Variants in TRAPPC9 observed in about 807,000 individuals in gnomAD.
TRAPPC9 encodes the protein IKK2 binding protein.
In TRAPPC9, 83 loss-of-function variants were observed where a neutral mutation model predicts 124.0. That is an observed-to-expected ratio of 0.67 (90% CI 0.56 to 0.80). The LOEUF is 0.80. Ranked by LOEUF, TRAPPC9 falls within the 30% of genes least tolerant of loss-of-function variation. The pLI is 0.00. For synonymous variants in TRAPPC9, 638 were observed against 617.5 expected (o/e 1.03, Z -0.49); for missense variants, 1,302 against 1,508.3 (o/e 0.86, Z 2.27).
At chr8:140,018,936 T>G (rs1160649470) in intron 18 of TRAPPC9, among the ~76,000 whole-genome samples, 1 of 152,202 alleles carries the variant, frequency 6.6e-6, no homozygotes, top group African/African-American at 2.4e-5. Flanking sequence ...ACATTAACTG[T>G]GGGGTTTCTT....
chr8:139,779,536 C>A (rs561771604), intron 21 of TRAPPC9, among the ~76,000 whole-genome samples: 3 of 152,124 alleles, frequency 2.0e-5, no homozygotes, highest in African/African-American at 7.2e-5. Flanking sequence ...ATAAATAAAA[C>A]GTATGACGAC....
intron 19 of TRAPPC9, among the ~76,000 whole-genome samples, chr8:139,927,196 A>G (rs147726013): frequency 1.3e-5 from 2 of 152,204 alleles, no homozygotes; most frequent in Non-Finnish European, 2.9e-5. Context: ...AAGAACGAGA[A>G]CTCTCACACA....
rs185975122 is a variant in TRAPPC9, at chr8:140,022,154, C to T, written c.2699+1783G>A. Among the ~76,000 whole-genome samples, 142 of 152,240 alleles carry T rather than the reference C, an allele frequency of 9.3e-4. 1 individual carries two copies. Among genetic ancestry groups the T allele is most frequent in the Middle Eastern group, 3.4e-3 (1 of 294 alleles). ...CACATGTGTAATTAAAGGATGACAA[C>T]GGGAAACAAGGCTGTCAGCAGAGAG... On this transcript the variant is annotated intron_variant, in intron 18 of 22. Transcript: ENST00000438773.
At chr8:140,375,371 A>G (rs1209411060) in intron 7 of TRAPPC9, among the ~76,000 whole-genome samples, 1 of 152,214 alleles carries the variant, frequency 6.6e-6, no homozygotes, top group Admixed American at 6.5e-5. Context: ...TTTATTCACA[A>G]GGCAGACTCT....
chr8:139,800,918 TACCTTCCCTCCCTCCGGC>T (rs1563823726), intron 21 of TRAPPC9, among the ~76,000 whole-genome samples: 1 of 143,622 alleles, frequency 7.0e-6, no homozygotes, highest in Admixed American at 6.9e-5. Context: ...CTCCCTCCGG[TACCTTCCCTCCCTCCGGC>T]ACCTTCCCTC....
chr8:139,883,475 G>A (rs1341309873), intron 21 of TRAPPC9, among the ~76,000 whole-genome samples: 1 of 152,244 alleles, frequency 6.6e-6, no homozygotes, highest in African/African-American at 2.4e-5. Flanking sequence ...ACGCCTCCCG[G>A]CAGGCACCTC....
At chr8:139,886,726 C>T (rs2131123574) in intron 20 of TRAPPC9, among the ~76,000 whole-genome samples, 1 of 152,322 alleles carries the variant, frequency 6.6e-6, no homozygotes, top group South Asian at 2.1e-4. Context: ...TTCCATTCAA[C>T]AAACACATCC....
chr8:139,979,352 C>G (rs1183670898), intron 19 of TRAPPC9, among the ~76,000 whole-genome samples: 7 of 152,180 alleles, frequency 4.6e-5, no homozygotes, highest in Admixed American at 2.6e-4. Flanking sequence ...ACTCACCCGC[C>G]CACTCGCAAG....
chr8:139,916,790 G>A (rs566551299), intron 19 of TRAPPC9, among the ~76,000 whole-genome samples: 1 of 152,364 alleles, frequency 6.6e-6, no homozygotes, highest in South Asian at 2.1e-4. Flanking sequence ...CACCAGGGAA[G>A]TCACAATGAC....
At chr8:140,177,532 CTG>C (rs2062097468) in intron 17 of TRAPPC9, among the ~76,000 whole-genome samples, 1 of 152,052 alleles carries the variant, frequency 6.6e-6, no homozygotes, top group Non-Finnish European at 1.5e-5. Context: ...CAATATCACA[CTG>C]TGTTAATTAC....
At position 140,076,595 on chromosome 8, in the gene TRAPPC9, C is replaced by G. The variant is rs536289246; in HGVS notation, c.2557-52516G>C. ...CCATGGGGCCCATCCCCTCTGGGTG[C>G]CCATCTGAAACTCAGAGATGACAAC... On this transcript the variant is annotated intron_variant, in intron 17 of 22. Coordinates refer to ENST00000438773, the MANE Select transcript of TRAPPC9 (RefSeq NM_001160372.4). 1.1e-3 allele frequency among the ~76,000 whole-genome samples: 166 copies of G among 152,334 alleles called. 2 individuals carry two copies. Among genetic ancestry groups the G allele is most frequent in the African/African-American group, 3.9e-3 (161 of 41,574 alleles).
At position 140,457,669 on chromosome 8, in the gene TRAPPC9, G is replaced by C. The variant is rs542980184; in HGVS notation, c.-41C>G. 2.0e-6 allele frequency: 2 copies of C among 986,724 alleles called. No homozygotes were observed. The highest frequency in any genetic ancestry group is 6.1e-5 in the Admixed American group (1 of 16,334). 61.1% of individuals were successfully genotyped at this position (986,724 alleles called of 1,614,324 possible). On this transcript the variant is annotated 5_prime_UTR_variant, in exon 1 of 23. Transcript: ENST00000438773. ...CGGTGGCCCCGGGCCCGGAGCGGGA[G>C]CCCACGACCTGGCGGGCAGCGGGGC...
intron 21 of TRAPPC9, among the ~76,000 whole-genome samples, chr8:139,829,739 A>C (rs1825852138): frequency 6.6e-6 from 1 of 152,230 alleles, no homozygotes; most frequent in Admixed American, 6.5e-5. Context: ...AGAGACAGGT[A>C]AGGGACGAAA....
chr8:140,110,033 C>T (rs911156346), intron 17 of TRAPPC9, among the ~76,000 whole-genome samples: 3 of 152,078 alleles, frequency 2.0e-5, no homozygotes. Context: ...CAACAGGCTC[C>T]GCATGCCCCT....
At chr8:139,991,420 T>C (rs2131725538) in intron 18 of TRAPPC9, among the ~76,000 whole-genome samples, 1 of 152,286 alleles carries the variant, frequency 6.6e-6, no homozygotes, top group East Asian at 1.9e-4. Context: ...TGGTGGAGCT[T>C]GGCTTCCTAT....
intron 19 of TRAPPC9, among the ~76,000 whole-genome samples, chr8:139,951,684 T>C (rs881378): frequency 0.89 from 135,878 of 152,268 alleles, 60,778 homozygotes; most frequent in Middle Eastern, 0.99. Context: ...GTTCTTCTCA[T>C]TATGTGATTA....
intron 7 of TRAPPC9, among the ~76,000 whole-genome samples, chr8:140,383,519 C>T (rs1563988168): frequency 1.3e-5 from 2 of 152,170 alleles, no homozygotes; most frequent in Non-Finnish European, 2.9e-5. Flanking sequence ...GACGAATGCA[C>T]ATGCTTCAGT....
At chr8:140,358,198 T>C (rs1291081414) in intron 9 of TRAPPC9, among the ~76,000 whole-genome samples, 1 of 152,162 alleles carries the variant, frequency 6.6e-6, no homozygotes, top group East Asian at 1.9e-4. Context: ...GCTTAATGTA[T>C]ACTAGGTTTC....
chr8:139,952,352 C>T (rs1439982274), intron 19 of TRAPPC9, among the ~76,000 whole-genome samples: 1 of 152,206 alleles, frequency 6.6e-6, no homozygotes, highest in African/African-American at 2.4e-5. Flanking sequence ...GTTCAGGTGA[C>T]TTGCCTAAAT....
Sources: gnomAD v4.1 joint callset for allele counts (sites outside exome capture counted in the v4.1 genomes callset) on GRCh38, gnomAD v4.1.1 for gene constraint, MANE v1.5 for transcripts, NCBI Gene and HGNC (gene_info 2026-07-23, HGNC 2026-07-21) for gene names.